Variants in RORB observed in about 807,000 individuals in gnomAD.
RORB encodes the protein nuclear receptor ROR-beta.
In RORB, 6 loss-of-function variants were observed where a neutral mutation model predicts 59.1. The ratio of observed to expected loss-of-function variants is 0.10; its 90% CI spans 0.06 to 0.20. The LOEUF (loss-of-function observed/expected upper bound fraction) is 0.20. Among genes scored for constraint, RORB ranks in the 10% least tolerant of loss-of-function variants. The pLI, the probability that RORB is intolerant of heterozygous loss-of-function variation, is 1.00. For synonymous variants in RORB, 215 were observed against 204.5 expected, an observed-to-expected ratio of 1.05 and a Z score of -0.44; for missense variants, 320 against 560.5, an observed-to-expected ratio of 0.57 and a Z score of 4.33.
intron 1 of RORB, among the ~76,000 whole-genome samples, chr9:74,594,157 C>A (rs1822939913): frequency 6.6e-6 from 1 of 152,150 alleles, no homozygotes; most frequent in South Asian, 2.1e-4. Context: ...ACTTACTTAG[C>A]ATAATGTCAA....
At chr9:74,626,034 C>T (rs926722231) in intron 1 of RORB, among the ~76,000 whole-genome samples, 2 of 152,114 alleles carry the variant, frequency 1.3e-5, no homozygotes, top group African/African-American at 2.4e-5. Flanking sequence ...CTGTTACTAG[C>T]GGAGGTTCTG....
intron 1 of RORB, among the ~76,000 whole-genome samples, chr9:74,547,670 G>T (rs565648918): frequency 6.6e-6 from 1 of 152,298 alleles, no homozygotes; most frequent in Non-Finnish European, 1.5e-5. Context: ...TGAGGTAGGA[G>T]ACCACCCAAT....
intron 1 of RORB, among the ~76,000 whole-genome samples, chr9:74,585,002 C>T (rs938316637): frequency 6.6e-6 from 1 of 152,176 alleles, no homozygotes; most frequent in Non-Finnish European, 1.5e-5. Flanking sequence ...TGGACTGGGT[C>T]CCCATCCCCC....
chr9:74,649,609 G>A (rs561818126), intron 4 of RORB, among the ~76,000 whole-genome samples: 1 of 152,098 alleles, frequency 6.6e-6, no homozygotes, highest in Non-Finnish European at 1.5e-5. Flanking sequence ...CGCAAAGATG[G>A]TCTACAATCA....
chr9:74,504,749 C>T (rs1424386508), intron 1 of RORB, among the ~76,000 whole-genome samples: 4 of 151,954 alleles, frequency 2.6e-5, no homozygotes, highest in Non-Finnish European at 5.9e-5. Flanking sequence ...ACTTTGTGCT[C>T]ATATAAACCA....
intron 1 of RORB, among the ~76,000 whole-genome samples, chr9:74,501,789 A>T (rs1182800892): frequency 1.3e-5 from 2 of 152,256 alleles, no homozygotes; most frequent in African/African-American, 4.8e-5. Flanking sequence ...TATTAGTACC[A>T]CCAAGGCTTT....
intron 5 of RORB, among the ~76,000 whole-genome samples, chr9:74,661,709 A>G (rs1463017382): frequency 7.9e-6 from 1 of 127,098 alleles, no homozygotes; most frequent in African/African-American, 3.1e-5. Flanking sequence ...CAGTGGCGCG[A>G]TCTCGGCTCA....
At chr9:74,501,311 C>T (rs1315525811) in intron 1 of RORB, among the ~76,000 whole-genome samples, 4 of 152,158 alleles carry the variant, frequency 2.6e-5, no homozygotes, top group Non-Finnish European at 5.9e-5. Flanking sequence ...AAGTGCTAAA[C>T]TTTAGAAAAG....
intron 1 of RORB, among the ~76,000 whole-genome samples, chr9:74,503,811 T>C (rs1169007103): frequency 2.0e-5 from 3 of 151,948 alleles, no homozygotes; most frequent in Admixed American, 2.0e-4. Context: ...AGAAATGAGA[T>C]TTACCAGTGC....
chr9:74,535,536 C>T (rs1826309206), intron 1 of RORB, among the ~76,000 whole-genome samples: 1 of 151,776 alleles, frequency 6.6e-6, no homozygotes, highest in Non-Finnish European at 1.5e-5. Flanking sequence ...AAAATCAATA[C>T]CGCCCCCCCA....
chr9:74,641,491 T>C (rs1304639645), intron 3 of RORB, among the ~76,000 whole-genome samples: 1 of 152,198 alleles, frequency 6.6e-6, no homozygotes, highest in Admixed American at 6.5e-5. Flanking sequence ...ATTGCTATTT[T>C]CCAAAGAATC....
intron 1 of RORB, among the ~76,000 whole-genome samples, chr9:74,520,735 T>C (rs1587339082): frequency 6.6e-6 from 1 of 151,990 alleles, no homozygotes; most frequent in East Asian, 1.9e-4. Flanking sequence ...TTTCTGGGCC[T>C]GGCTTTTTTT....
intron 1 of RORB, among the ~76,000 whole-genome samples, chr9:74,564,229 G>T (rs1054606860): frequency 6.6e-6 from 1 of 152,084 alleles, no homozygotes; most frequent in East Asian, 1.9e-4. Flanking sequence ...TCTAACATCT[G>T]TCCATCTCCC....
chr9:74,533,359 G>A (rs1826275337), intron 1 of RORB, among the ~76,000 whole-genome samples: 1 of 151,684 alleles, frequency 6.6e-6, no homozygotes, highest in South Asian at 2.1e-4. Context: ...TCCCATTCTG[G>A]GAATATGATG....
At chr9:74,553,439 T>C (rs1826642560) in intron 1 of RORB, among the ~76,000 whole-genome samples, 1 of 152,192 alleles carries the variant, frequency 6.6e-6, no homozygotes, top group Admixed American at 6.5e-5. Flanking sequence ...TCAAAGGCCA[T>C]ATTTTATCAG....
intron 1 of RORB, among the ~76,000 whole-genome samples, chr9:74,505,690 T>C (rs1037465974): frequency 6.6e-6 from 1 of 152,134 alleles, no homozygotes; most frequent in Admixed American, 6.6e-5. Flanking sequence ...TGGGTTAATT[T>C]GTTCATCATA....
intron 1 of RORB, among the ~76,000 whole-genome samples, chr9:74,532,924 T>C (rs1319415346): frequency 6.6e-6 from 1 of 150,880 alleles, no homozygotes; most frequent in African/African-American, 2.5e-5. Context: ...GTGACCTTCA[T>C]TTTAAAATCA....
intron 9 of RORB, among the ~76,000 whole-genome samples, chr9:74,683,363 T>C (rs569406958): frequency 6.6e-6 from 1 of 152,304 alleles, no homozygotes; most frequent in African/African-American, 2.4e-5. Flanking sequence ...GAACACTCTG[T>C]ACCTATGAAA....
chr9:74,597,141 A>T (rs1822980935), intron 1 of RORB, among the ~76,000 whole-genome samples: 1 of 152,224 alleles, frequency 6.6e-6, no homozygotes, highest in African/African-American at 2.4e-5. Flanking sequence ...CTCCCAGGTG[A>T]TGCAGCTGCT....
Sources: gnomAD v4.1 joint callset for allele counts (sites outside exome capture counted in the v4.1 genomes callset) on GRCh38, gnomAD v4.1.1 for gene constraint, MANE v1.5 for transcripts, NCBI Gene and HGNC (gene_info 2026-07-23, HGNC 2026-07-21) for gene names.